The following PIGU variants were observed in gnomAD, a reference collection of about 807,000 sequenced individuals.
PIGU encodes the protein GPI-anchor transamidase component PIGU.
Under a neutral mutation model 49.9 loss-of-function variants are expected in PIGU, and 24 were observed. The observed-to-expected ratio is 0.48, with a 90% CI of 0.35 to 0.68. The LOEUF (loss-of-function observed/expected upper bound fraction) is 0.68. PIGU is among the 30% of genes least tolerant of loss of function. The pLI is 0.01. For missense variants in PIGU, 490 were observed against 532.6 expected (o/e 0.92, Z 0.79); for synonymous variants, 220 against 205.7 (o/e 1.07, Z -0.59).
chr20:34,651,905 A>G (rs972330049), intron 2 of PIGU, among the ~76,000 whole-genome samples: 19 of 151,858 alleles, frequency 1.3e-4, no homozygotes, highest in African/African-American at 4.6e-4. Flanking sequence ...GGAGGTTGAG[A>G]CCATCCCGGG....
intron 6 of PIGU, among the ~76,000 whole-genome samples, chr20:34,634,201 AG>A (rs1156717795): frequency 6.6e-6 from 1 of 152,066 alleles, no homozygotes; most frequent in Admixed American, 6.6e-5. Flanking sequence ...CCTCCCAAGT[AG>A]TTGGGACTAC....
At chr20:34,649,163 G>A (rs568424053) in intron 2 of PIGU, among the ~76,000 whole-genome samples, 7 of 151,864 alleles carry the variant, frequency 4.6e-5, no homozygotes, top group South Asian at 4.2e-4. Context: ...CACCACGCCC[G>A]GTCTGTTTTA....
chr20:34,565,419 G>GT, intron 11 of PIGU, among the ~76,000 whole-genome samples: 1 of 152,038 alleles, frequency 6.6e-6, no homozygotes, highest in South Asian at 2.1e-4. Flanking sequence ...CCCCTGGCTA[G>GT]TTTTTTCTTT....
At chr20:34,621,255 A>T (rs1985212228) in intron 6 of PIGU, among the ~76,000 whole-genome samples, 1 of 152,190 alleles carries the variant, frequency 6.6e-6, no homozygotes, top group Non-Finnish European at 1.5e-5. Context: ...AATCCTTTTT[A>T]AAAATATGAG....
intron 7 of PIGU, among the ~76,000 whole-genome samples, chr20:34,614,863 C>T (rs1006719609): frequency 6.6e-6 from 1 of 152,176 alleles, no homozygotes; most frequent in African/African-American, 2.4e-5. Flanking sequence ...TTAAGAAAGG[C>T]TCTGAAATCA....
chr20:34,570,477 C>T (rs554816169), intron 11 of PIGU, among the ~76,000 whole-genome samples: 10 of 151,766 alleles, frequency 6.6e-5, no homozygotes, highest in South Asian at 4.1e-4. Flanking sequence ...TGCAGTGGCA[C>T]GATCTTGGCT....
intron 1 of PIGU, among the ~76,000 whole-genome samples, chr20:34,659,750 A>T (rs1452196993): frequency 3.9e-5 from 6 of 152,102 alleles, no homozygotes; most frequent in Non-Finnish European, 7.3e-5. Flanking sequence ...CTGTGACCTT[A>T]CCCCCAACCC....
intron 11 of PIGU, among the ~76,000 whole-genome samples, chr20:34,568,890 C>A (rs1168754825): frequency 6.6e-6 from 1 of 152,132 alleles, no homozygotes; most frequent in African/African-American, 2.4e-5. Context: ...GAGTAGGGTT[C>A]CAGATGATCC....
chr20:34,621,615 G>A (rs916546584), intron 6 of PIGU, among the ~76,000 whole-genome samples: 3 of 152,188 alleles, frequency 2.0e-5, no homozygotes, highest in African/African-American at 7.2e-5. Flanking sequence ...AGGAGACTCA[G>A]AAAGGGCTAT....
At chr20:34,605,057 G>A (rs1335119193) in intron 7 of PIGU, among the ~76,000 whole-genome samples, 2 of 152,108 alleles carry the variant, frequency 1.3e-5, no homozygotes, top group African/African-American at 4.8e-5. Flanking sequence ...TCAGCTTCTC[G>A]GTCCTGTGCA....
chr20:34,615,047 A>G (rs979650391), intron 7 of PIGU, among the ~76,000 whole-genome samples: 1 of 152,254 alleles, frequency 6.6e-6, no homozygotes, highest in Non-Finnish European at 1.5e-5. Context: ...TCAGATGGCC[A>G]TGGTTCATAT....
chr20:34,619,524 C>T (rs1241418448), intron 6 of PIGU, among the ~76,000 whole-genome samples: 1 of 152,162 alleles, frequency 6.6e-6, no homozygotes, highest in African/African-American at 2.4e-5. Context: ...AGAGAAGAGG[C>T]CCATGTGTCT....
intron 7 of PIGU, among the ~76,000 whole-genome samples, chr20:34,589,616 G>T (rs535073537): frequency 6.9e-6 from 1 of 144,218 alleles, no homozygotes; most frequent in East Asian, 2.0e-4. Context: ...CTCCCAAAGT[G>T]CTGGGATTAT....
intron 6 of PIGU, among the ~76,000 whole-genome samples, chr20:34,633,104 T>C (rs1985842523): frequency 2.6e-5 from 4 of 152,126 alleles, no homozygotes; most frequent in Admixed American, 2.0e-4. Flanking sequence ...TAGTTACTAC[T>C]TTGCCCAGCA....
Position 34,560,926 on chromosome 20 carries a change from G to A in PIGU, c.1248C>T (p.Leu416=), listed in dbSNP as rs767058980. Residue 416 remains leucine (L), a synonymous_variant, in exon 12 of 12, where the codon CTC becomes CTT. Transcript: ENST00000217446. The part of the protein sequence containing the change: ...FYAFLRREYY[L]THGLYLTAKD... ...TGGCGGTCAAGTAGAGGCCATGTGTGAGGTAGTACTCCCGCCGCAGGAAGG... is the reference window on the plus strand; with the variant it reads ...TGGCGGTCAAGTAGAGGCCATGTGTAAGGTAGTACTCCCGCCGCAGGAAGG... 3.7e-6 allele frequency: 6 copies of A among 1,613,052 alleles called. No individual in the cohort carries two copies. The African/African-American group carries it at 4.0e-5, about 11-fold the overall frequency.
intron 10 of PIGU, 82 bp downstream of exon 10, chr20:34,581,466 T>C: frequency 1.3e-6 from 2 of 1,536,978 alleles, no homozygotes; most frequent in South Asian, 1.2e-5. Context: ...GCCTGGTAAA[T>C]GCCTATGAAT....
At chr20:34,639,228 C>T (rs1309556849) in intron 4 of PIGU, among the ~76,000 whole-genome samples, 1 of 151,884 alleles carries the variant, frequency 6.6e-6, no homozygotes, top group Admixed American at 6.6e-5. Context: ...GGTGAAACCC[C>T]GTCTCTACTA....
chr20:34,594,773 G>A (rs4322911), intron 7 of PIGU, among the ~76,000 whole-genome samples: 123,835 of 151,696 alleles, frequency 0.82, 50,971 homozygotes, highest in Admixed American at 0.9. Flanking sequence ...AAACTCTGTC[G>A]CTAAATAAAT....
intron 6 of PIGU, among the ~76,000 whole-genome samples, chr20:34,624,119 T>C (rs921411568): frequency 1.3e-5 from 2 of 148,802 alleles, no homozygotes; most frequent in Admixed American, 7.0e-5. Context: ...CTCTGTTGCC[T>C]AGATTGGAGC....
Sources: allele counts gnomAD v4.1 joint callset (sites outside exome capture counted in the v4.1 genomes callset), GRCh38; gene constraint gnomAD v4.1.1; transcripts MANE v1.5; gene names NCBI Gene and HGNC (gene_info 2026-07-23, HGNC 2026-07-21).